INTS8: variants seen among roughly 807,000 people sequenced by gnomAD.
The protein encoded by INTS8 is integrator complex subunit 8.
Under a neutral mutation model 138.9 loss-of-function variants are expected in INTS8, and 47 were observed. That is an observed-to-expected ratio of 0.34 (90% CI 0.27 to 0.43). The LOEUF is 0.43. Ranked by LOEUF, INTS8 falls within the 20% of genes least tolerant of loss-of-function variation. The probability of loss-of-function intolerance (pLI) is 1.00; values close to 1 mark genes in which losing one functional copy is unlikely to be tolerated. For synonymous variants in INTS8, 392 were observed against 400.9 expected, an observed-to-expected ratio of 0.98 and a Z score of 0.27; for missense variants, 996 against 1,173.0, an observed-to-expected ratio of 0.85 and a Z score of 2.20.
rs79982647 is a variant in INTS8 at position 94,835,515 on chromosome 8, T to A, written c.754-1009T>A. Among the ~76,000 whole-genome samples, 709 of 152,296 alleles carry A rather than the reference T, an allele frequency of 4.7e-3. 4 individuals carry two copies. The highest frequency in any genetic ancestry group is 0.016 in the African/African-American group (680 of 41,552). ...ATGTTACGGTAGACGTGCACCATCT[T>A]CACTTTTGAGGGGCTCCCCAGCGTT... On this transcript the variant is annotated intron_variant, in intron 6 of 26. Transcript: ENST00000523731.
chr8:94,866,423 A>G (rs1027344429), intron 18 of INTS8: 42 of 490,836 alleles, frequency 8.6e-5, no homozygotes, highest in Non-Finnish European at 1.4e-4. Context: ...TTTCTGAGGA[A>G]CTGGGACTAC....
intron 26 of INTS8, 112 bp from the exon 27 acceptor site, chr8:94,880,006 G>A: frequency 2.8e-6 from 2 of 712,316 alleles, no homozygotes; most frequent in Non-Finnish European, 4.9e-6. Context: ...AAGAGGTTCA[G>A]TTAATCATTA....
At chr8:94,844,026 C>CTTTTT (rs539302253) in intron 10 of INTS8, among the ~76,000 whole-genome samples, 10 of 139,262 alleles carry the variant, frequency 7.2e-5, no homozygotes, top group East Asian at 2.1e-4. Flanking sequence ...TAGAGTTCTG[C>CTTTTT]TTTTTTTTTT....
intron 16 of INTS8, among the ~76,000 whole-genome samples, chr8:94,861,379 AGCC>A (rs1815973993): frequency 7.0e-6 from 1 of 142,692 alleles, no homozygotes; most frequent in South Asian, 2.2e-4. Flanking sequence ...CTCCTGCCTC[AGCC>A]TCCCGAGTAG....
At chr8:94,829,290 C>G (rs1814624867) in intron 5 of INTS8, among the ~76,000 whole-genome samples, 1 of 151,688 alleles carries the variant, frequency 6.6e-6, no homozygotes, top group Non-Finnish European at 1.5e-5. Flanking sequence ...AACGGGAACC[C>G]TGAGCTTGTT....
chr8:94,823,571 G>T lies in INTS8; in HGVS notation c.130+10G>T. 1 of 1,556,534 alleles carries T rather than the reference G, an allele frequency of 6.4e-7. No homozygotes were observed. Reference sequence around the variant, plus strand: ...CGCAAGCCCTGCCCGGGTGAGCGCGGCGCCTGCACCTGGGGAGCGGGACCC... The same window carrying T: ...CGCAAGCCCTGCCCGGGTGAGCGCGTCGCCTGCACCTGGGGAGCGGGACCC... On this transcript the variant is annotated intron_variant, in intron 1 of 26. Transcript: ENST00000523731.
intron 12 of INTS8, among the ~76,000 whole-genome samples, chr8:94,850,498 G>C (rs1243015374): frequency 1.3e-5 from 2 of 151,890 alleles, no homozygotes; most frequent in African/African-American, 4.8e-5. Flanking sequence ...TGTAGTCCCA[G>C]CTACTCTGGA....
chr8:94,840,698 C>T (rs1275243181), intron 8 of INTS8, among the ~76,000 whole-genome samples: 2 of 151,478 alleles, frequency 1.3e-5, no homozygotes. Context: ...GCTGGGATTA[C>T]AGGCGCCTGC....
intron 20 of INTS8, among the ~76,000 whole-genome samples, chr8:94,868,502 G>A (rs1417435292): frequency 6.6e-6 from 1 of 152,198 alleles, no homozygotes; most frequent in Non-Finnish European, 1.5e-5. Context: ...CACTTACTGA[G>A]GCTTGTTTCC....
At chr8:94,877,262 C>G (rs1816595546) in intron 26 of INTS8, among the ~76,000 whole-genome samples, 1 of 152,150 alleles carries the variant, frequency 6.6e-6, no homozygotes, top group Admixed American at 6.5e-5. Flanking sequence ...GCAGTATCAC[C>G]ACAGATCTTT....
intron 2 of INTS8, 67 bp downstream of exon 2, chr8:94,825,134 T>C: frequency 8.9e-7 from 1 of 1,121,572 alleles, no homozygotes; most frequent in Non-Finnish European, 1.3e-6. Context: ...TTTCTATATA[T>C]GCTTTTATGA....
chr8:94,823,331 C>T lies in INTS8; in HGVS notation c.-101C>T, dbSNP rs1434818030. The T allele has an allele frequency of 1.1e-5, 16 of 1,513,326 alleles. No individual in the cohort carries two copies. Among genetic ancestry groups the T allele is most frequent in the African/African-American group, 5.5e-5 (4 of 72,356 alleles). The allele number at this position is 1,513,326 out of a possible 1,614,324, so 93.7% of individuals were successfully genotyped here. A position where few individuals can be genotyped will look rare whatever the true frequency, so the allele number is the denominator to read the frequency against. ...GTTTCCGGGACGTTCGGAGGGTGGC[C>T]TCTCTCCCACCGGGTTCCGCATACC... On this transcript the variant is annotated 5_prime_UTR_variant, in exon 1 of 27. Transcript: ENST00000523731.
intron 5 of INTS8, among the ~76,000 whole-genome samples, chr8:94,830,749 C>T (rs868143461): frequency 6.6e-6 from 1 of 152,120 alleles, no homozygotes; most frequent in Non-Finnish European, 1.5e-5. Flanking sequence ...CCACCCACTT[C>T]GGACCCCCAA....
At chr8:94,855,196 G>A (rs1815701118) in intron 14 of INTS8, among the ~76,000 whole-genome samples, 1 of 152,294 alleles carries the variant, frequency 6.6e-6, no homozygotes, top group South Asian at 2.1e-4. Context: ...GACCATCATT[G>A]TCCAGTGGGA....
chr8:94,850,203 G>A, intron 12 of INTS8, 112 bp downstream of exon 12: 1 of 700,188 alleles, frequency 1.4e-6, no homozygotes, highest in East Asian at 2.8e-5. Flanking sequence ...ACTTGTGTTG[G>A]TAATTAATAG....
chr8:94,867,164 T>C lies in INTS8; in HGVS notation c.2320T>C (p.Leu774=). Residue 774 remains leucine, a synonymous_variant, in exon 19 of 27, where the codon TTA becomes CTA. Coordinates refer to ENST00000523731, the MANE Select transcript of INTS8 (RefSeq NM_017864.4). The part of the protein sequence containing the change: ...LREPLVLTII[L]SLFVKLHNVR... ...GGAACCACTCGTTTTGACTATTATT[T>C]TATCACTCTTTGTGAAACTTCACAA... 1 of 1,610,524 alleles carries C rather than the reference T, an allele frequency of 6.2e-7. No homozygotes were observed. The highest frequency in any genetic ancestry group is 8.5e-7 in the Non-Finnish European group (1 of 1,178,038).
chr8:94,830,206 T>C (rs1814661986), intron 5 of INTS8, among the ~76,000 whole-genome samples: 1 of 152,236 alleles, frequency 6.6e-6, no homozygotes, highest in Admixed American at 6.5e-5. Flanking sequence ...TAGCAGTTAT[T>C]TTTTAATTGA....
intron 22 of INTS8, 63 bp downstream of exon 22, chr8:94,873,540 C>G: frequency 9.4e-7 from 1 of 1,061,760 alleles, no homozygotes; most frequent in Non-Finnish European, 1.5e-6. Context: ...CCTGGGTCCC[C>G]TTTTGGCTGA....
At chr8:94,856,731 G>A in intron 14 of INTS8, 46 bp from the exon 15 acceptor site, 2 of 1,511,548 alleles carry the variant, frequency 1.3e-6, no homozygotes, top group Middle Eastern at 1.7e-4. Context: ...CACATTTTTT[G>A]GCGCCAAAGG....
Sources: allele counts gnomAD v4.1 joint callset (sites outside exome capture counted in the v4.1 genomes callset), GRCh38; gene constraint gnomAD v4.1.1; transcripts MANE v1.5; gene names NCBI Gene and HGNC (gene_info 2026-07-23, HGNC 2026-07-21).